NSMCE1: variants seen among roughly 807,000 people sequenced by gnomAD.
The protein encoded by NSMCE1 is non-structural maintenance of chromosomes element 1 homolog.
A neutral mutation model predicts 29.6 loss-of-function variants in NSMCE1; 18 were observed. The observed-to-expected ratio is 0.61, with a 90% CI of 0.42 to 0.90. The LOEUF (loss-of-function observed/expected upper bound fraction) is 0.90, where lower values mean the gene tolerates loss of function less well. Among genes scored for constraint, NSMCE1 ranks in the 40% least tolerant of loss-of-function variants. The pLI, the probability that NSMCE1 is intolerant of heterozygous loss-of-function variation, is 0.00. For missense variants in NSMCE1, 314 were observed against 343.6 expected, an observed-to-expected ratio of 0.91 and a Z score of 0.68; for synonymous variants, 124 against 133.4, an observed-to-expected ratio of 0.93 and a Z score of 0.49.
At chr16:27,261,536 T>A (rs1032343922) in intron 1 of NSMCE1, among the ~76,000 whole-genome samples, 2 of 152,310 alleles carry the variant, frequency 1.3e-5, no homozygotes, top group African/African-American at 4.8e-5. Context: ...TCTGAAAACC[T>A]AAACACTCCT....
chr16:27,240,425 A>T (rs1386878078), intron 2 of NSMCE1, among the ~76,000 whole-genome samples: 2 of 152,112 alleles, frequency 1.3e-5, no homozygotes, highest in African/African-American at 4.8e-5. Context: ...AGCATCCATC[A>T]TCCCCTCAAC....
chr16:27,267,246 A>T (rs986286169), intron 1 of NSMCE1, among the ~76,000 whole-genome samples: 2 of 152,156 alleles, frequency 1.3e-5, no homozygotes, highest in African/African-American at 2.4e-5. Context: ...AATTTATTTA[A>T]ATTTAATAAT....
intron 4 of NSMCE1, among the ~76,000 whole-genome samples, chr16:27,233,480 T>G (rs1476807948): frequency 6.6e-6 from 1 of 152,146 alleles, no homozygotes; most frequent in Non-Finnish European, 1.5e-5. Context: ...GACAGGTTCC[T>G]GCACACGCAG....
rs200032590 is a variant in NSMCE1 at position 27,233,112 on chromosome 16, C to T, written c.372G>A (p.Ala124=). ...ELIIDSETGF[A]SSTNILNLVD... Reference sequence around the variant, plus strand: ...CCAGGTTCAATATGTTTGTGGAAGACGCAAAGCCGGTTTCTGAGTCAATAA... The same window carrying T: ...CCAGGTTCAATATGTTTGTGGAAGATGCAAAGCCGGTTTCTGAGTCAATAA... The change falls in exon 5 of 8, where the codon GCG becomes GCA. Residue 124 remains alanine, a synonymous_variant. Transcript: ENST00000361439. 160 of 1,614,018 alleles carry T rather than the reference C, an allele frequency of 9.9e-5. No homozygotes were observed. In the African/African-American group the frequency reaches 1.1e-3, roughly 11 times the overall value.
At chr16:27,235,380 C>T in intron 2 of NSMCE1, 81 bp from the exon 3 acceptor site, 5 of 1,524,054 alleles carry the variant, frequency 3.3e-6, no homozygotes, top group Non-Finnish European at 4.5e-6. Flanking sequence ...TCATTCCATC[C>T]CATCTCAACG....
Position 27,260,084 on chromosome 16 carries a change from G to C in NSMCE1, c.-11-2503C>G, listed in dbSNP as rs192033900. 2.4e-3 allele frequency among the ~76,000 whole-genome samples: 367 copies of C among 152,176 alleles called. 2 individuals carry two copies. Among genetic ancestry groups the C allele is most frequent in the Non-Finnish European group, 3.9e-3 (266 of 67,980 alleles). ...GGTCTAAAATGCAGGGTAGAATAAA[G>C]AGCAAAAAAAGTTGGTAAATATGTG... On this transcript the variant is annotated intron_variant, in intron 1 of 7. Transcript: ENST00000361439.
At chr16:27,254,608 T>C (rs1446707221) in intron 2 of NSMCE1, among the ~76,000 whole-genome samples, 1 of 152,292 alleles carries the variant, frequency 6.6e-6, no homozygotes, top group Non-Finnish European at 1.5e-5. Context: ...TTTTTTGAGA[T>C]GGGGGTTCAC....
At chr16:27,248,114 C>T (rs4787943) in intron 2 of NSMCE1, among the ~76,000 whole-genome samples, 12,788 of 152,146 alleles carry the variant, frequency 0.084, 1,434 homozygotes, top group African/African-American at 0.26. Flanking sequence ...AAATGGACAA[C>T]TAGGTGTTCA....
intron 5 of NSMCE1, among the ~76,000 whole-genome samples, chr16:27,227,271 C>T (rs2083708688): frequency 6.6e-6 from 1 of 152,136 alleles, no homozygotes; most frequent in Admixed American, 6.5e-5. Context: ...TGCCTCCCAG[C>T]ACTTCTGCCT....
rs1555477430 is a variant in NSMCE1, at chr16:27,251,207, T to TATATATATAA, written c.136+6227_136+6228insTTATATATAT. 3.5e-3 allele frequency among the ~76,000 whole-genome samples: 247 copies of TATATATATAA among 70,638 alleles called. 8 individuals are homozygous for TATATATATAA. Among genetic ancestry groups the TATATATATAA allele is most frequent in the Non-Finnish European group, 5.1e-3 (174 of 34,294 alleles). The allele number at this position is 70,638 out of a possible 152,430, so 46.3% of individuals were successfully genotyped here. The stretch of plus-strand genomic sequence containing the variant: ...ATATATATAAATATATATATATATA[T>TATATATATAA]AAAACTCTGTAGAGTTCAGACTCCT... On this transcript the variant is annotated intron_variant, in intron 2 of 7. Coordinates refer to ENST00000361439, the MANE Select transcript of NSMCE1 (RefSeq NM_145080.4).
At chr16:27,268,567 G>A (rs904914168) in intron 1 of NSMCE1, 139 bp downstream of exon 1, 4 of 152,188 alleles carry the variant, frequency 2.6e-5, no homozygotes, top group Non-Finnish European at 5.9e-5. Flanking sequence ...CCCAGTCCCC[G>A]AGTTCCACAG....
At position 27,257,435 on chromosome 16, in the gene NSMCE1, G is replaced by A. The variant is rs200141326; in HGVS notation, c.136C>T (p.Arg46Cys). 1.9e-5 allele frequency: 30 copies of A among 1,607,406 alleles called. No homozygotes were observed. Among genetic ancestry groups the A allele is most frequent in the South Asian group, 1.1e-4 (10 of 90,378 alleles). Residue 46 changes from arginine (R) to cysteine (C), a missense_variant and splice_region_variant, in exon 2 of 8, where the codon CGC becomes TGC. Physicochemically the swap from Arg to Cys is radical, Grantham distance 180 (BLOSUM62 -3). Coordinates refer to ENST00000361439, the MANE Select transcript of NSMCE1 (RefSeq NM_145080.4). ...LQTHCYKVHD[R>C]NATVDKLEDF... is the part of the protein sequence containing the mutation. ...CTGGGAACAGGGAAACGGTACTCAC[G>A]GTCATGGACCTTGTAGCAGTGCGTC...
At chr16:27,240,661 G>C (rs1440801359) in intron 2 of NSMCE1, among the ~76,000 whole-genome samples, 1 of 152,262 alleles carries the variant, frequency 6.6e-6, no homozygotes, top group African/African-American at 2.4e-5. Flanking sequence ...CTCCAGGCAA[G>C]TGACAAGCAC....
rs2083768513 is a variant in NSMCE1 at position 27,232,098 on chromosome 16, C to G, written c.483+903G>C. 6.6e-6 allele frequency among the ~76,000 whole-genome samples: 1 copy of G among 152,162 alleles called. No homozygotes were observed. The highest frequency in any genetic ancestry group is 2.4e-5 in the African/African-American group (1 of 41,436). On this transcript the variant is annotated intron_variant, in intron 5 of 7. Transcript: ENST00000361439. The surrounding 1 kb of genome is among the most constrained non-coding windows in gnomAD (Gnocchi z 4.5). The stretch of plus-strand genomic sequence containing the variant: ...AACTCAGAACACAGACTTCCCCAAC[C>G]CAGACGCGAGCCTTCCTGAAAAGGA...
At chr16:27,248,755 C>T (rs2083987844) in intron 2 of NSMCE1, among the ~76,000 whole-genome samples, 2 of 151,210 alleles carry the variant, frequency 1.3e-5, no homozygotes, top group African/African-American at 4.9e-5. Flanking sequence ...TTCATGTGCT[C>T]ATCTGCCATC....
intron 2 of NSMCE1, among the ~76,000 whole-genome samples, chr16:27,251,709 G>A (rs1473364660): frequency 6.6e-6 from 1 of 152,100 alleles, no homozygotes; most frequent in East Asian, 1.9e-4. Context: ...TCAAATGTTT[G>A]GGCCGGGCAC....
intron 2 of NSMCE1, among the ~76,000 whole-genome samples, chr16:27,243,077 G>A (rs563098908): frequency 2.0e-5 from 3 of 152,364 alleles, no homozygotes; most frequent in Non-Finnish European, 2.9e-5. Context: ...CTGGCGGCAC[G>A]CATTCTACCA....
At chr16:27,256,838 G>T (rs1045521463) in intron 2 of NSMCE1, among the ~76,000 whole-genome samples, 6 of 152,138 alleles carry the variant, frequency 3.9e-5, no homozygotes, top group Admixed American at 3.3e-4. Flanking sequence ...GCCCTTAAGT[G>T]TTGTGCTAAG....
At chr16:27,246,026 T>C (rs1003514048) in intron 2 of NSMCE1, among the ~76,000 whole-genome samples, 8 of 152,188 alleles carry the variant, frequency 5.3e-5, no homozygotes, top group Admixed American at 5.2e-4. Context: ...AGCCTGATGA[T>C]GTACAGGAGT....
Sources: allele counts gnomAD v4.1 joint callset (sites outside exome capture counted in the v4.1 genomes callset), GRCh38; gene constraint gnomAD v4.1.1; non-coding constraint Gnocchi (gnomAD v3.1); transcripts MANE v1.5; gene names NCBI Gene and HGNC (gene_info 2026-07-23, HGNC 2026-07-21).